OTUD7A: variants seen among roughly 807,000 people sequenced by gnomAD.
The protein encoded by OTUD7A is OTU domain-containing protein 7A.
Under a neutral mutation model 65.7 loss-of-function variants are expected in OTUD7A, and 12 were observed. The ratio of observed to expected loss-of-function variants is 0.18; its 90% CI spans 0.12 to 0.30. OTUD7A has a LOEUF of 0.30. Ranked by LOEUF, OTUD7A falls within the 10% of genes least tolerant of loss-of-function variation. The pLI is 1.00. For missense variants in OTUD7A, 1,148 were observed against 1,304.8 expected, an observed-to-expected ratio of 0.88 and a Z score of 1.85; for synonymous variants, 641 against 586.3, an observed-to-expected ratio of 1.09 and a Z score of -1.35.
chr15:31,736,559 C>T (rs1029826841), intron 1 of OTUD7A, among the ~76,000 whole-genome samples: 2 of 152,030 alleles, frequency 1.3e-5, no homozygotes, highest in Admixed American at 1.3e-4. Context: ...GGAGTGTACG[C>T]CTCACACTGA....
At chr15:31,680,962 T>A (rs893953449) in intron 1 of OTUD7A, among the ~76,000 whole-genome samples, 3 of 149,914 alleles carry the variant, frequency 2.0e-5, no homozygotes, top group Non-Finnish European at 2.9e-5. Flanking sequence ...AGATACCATA[T>A]CTTTCTTAGA....
rs773917546 is a variant in OTUD7A at position 31,487,465 on chromosome 15, C to A, written c.1273G>T (p.Ala425Ser). ...WEWGKDDNDN[A>S]RLAHLILSLE... ...GTAGGATCTTACTGGGCCAGCCGGG[C>A]GTTATCGTTGTCGTCTTTCCCCCAC... Residue 425 changes from alanine (A) to serine (S), a missense_variant, in exon 11 of 13, where the codon GCC becomes TCC. Coordinates refer to ENST00000307050, the MANE Select transcript of OTUD7A (RefSeq NM_001382637.1). This position sits in a 1 kb window ranked among gnomAD's most constrained non-coding sequence, Gnocchi z 6.0. 6.2e-7 allele frequency: 1 copy of A among 1,613,904 alleles called. No homozygotes were observed. The highest frequency in any genetic ancestry group is 8.5e-7 in the Non-Finnish European group (1 of 1,179,954).
chr15:31,547,239 A>G (rs1029389454), intron 5 of OTUD7A, among the ~76,000 whole-genome samples: 5 of 148,782 alleles, frequency 3.4e-5, no homozygotes, highest in African/African-American at 1.2e-4. Context: ...ATAAAATGCA[A>G]AAGAGTATGT....
At chr15:31,523,270 G>A (rs1408047952) in intron 8 of OTUD7A, among the ~76,000 whole-genome samples, 1 of 152,218 alleles carries the variant, frequency 6.6e-6, no homozygotes, top group Non-Finnish European at 1.5e-5. Context: ...TGTCCCCTGT[G>A]GGGCCGGCAC....
chr15:31,819,087 A>G (rs1348063008), intron 1 of OTUD7A, among the ~76,000 whole-genome samples: 1 of 152,254 alleles, frequency 6.6e-6, no homozygotes, highest in African/African-American at 2.4e-5. Context: ...GAGATTTATC[A>G]GGCTGGAAGA....
In OTUD7A at chr15:31,628,116, G is replaced by T. The variant is rs1022713181; in HGVS notation, c.151+26980C>A. Among the ~76,000 whole-genome samples the T allele has an allele frequency of 1.0e-3, 157 of 152,184 alleles. 4 individuals carry two copies. Among genetic ancestry groups the T allele is most frequent in the African/African-American group, 3.6e-3 (151 of 41,522 alleles). Reference sequence around the variant, plus strand: ...GCTTAATTAGATCCCATTTGTCAATGTTGGCTTTTGTTGCCATTGCTTTTG... The same window carrying T: ...GCTTAATTAGATCCCATTTGTCAATTTTGGCTTTTGTTGCCATTGCTTTTG... On this transcript the variant is annotated intron_variant, in intron 3 of 12. Transcript: ENST00000307050.
chr15:31,703,042 A>G (rs1893249634), intron 1 of OTUD7A, among the ~76,000 whole-genome samples: 1 of 151,350 alleles, frequency 6.6e-6, no homozygotes, highest in African/African-American at 2.4e-5. Flanking sequence ...AACAAGAAAA[A>G]AAGAAAGAAA....
At chr15:31,817,326 A>G (rs1896576731) in intron 1 of OTUD7A, among the ~76,000 whole-genome samples, 1 of 142,418 alleles carries the variant, frequency 7.0e-6, no homozygotes, top group Non-Finnish European at 1.5e-5. Flanking sequence ...GAAAGTCTAG[A>G]GAAGCATCCT....
rs115540781 is a variant in OTUD7A at position 31,596,385 on chromosome 15, C to T, written c.152-26188G>A. On this transcript the variant is annotated intron_variant, in intron 3 of 12. Transcript: ENST00000307050. The stretch of plus-strand genomic sequence containing the variant: ...GCTGCAGTGAATTCACCTATTCACT[C>T]GCTGAGGGATATGTGCGTTACTTCT... 3.4e-3 allele frequency among the ~76,000 whole-genome samples: 513 copies of T among 152,300 alleles called. 3 individuals carry two copies. The highest frequency in any genetic ancestry group is 0.012 in the African/African-American group (495 of 41,556).
intron 3 of OTUD7A, among the ~76,000 whole-genome samples, chr15:31,597,010 T>C (rs1200140691): frequency 1.3e-5 from 2 of 152,170 alleles, no homozygotes; most frequent in Non-Finnish European, 2.9e-5. Context: ...CTGAAACCTC[T>C]GCTTCCCGGG....
chr15:31,829,474 G>A (rs1352007601), intron 1 of OTUD7A, among the ~76,000 whole-genome samples: 1 of 152,244 alleles, frequency 6.6e-6, no homozygotes, highest in African/African-American at 2.4e-5. Flanking sequence ...GCTCCAGGAA[G>A]TGGAGACCAT....
intron 1 of OTUD7A, among the ~76,000 whole-genome samples, chr15:31,718,639 T>C (rs1223498931): frequency 2.7e-5 from 4 of 145,656 alleles, no homozygotes; most frequent in Admixed American, 1.4e-4. Context: ...CTGCAGCTCT[T>C]CTAATGGCAC....
intron 1 of OTUD7A, among the ~76,000 whole-genome samples, chr15:31,746,043 A>T (rs113908122): frequency 6.6e-6 from 1 of 152,234 alleles, no homozygotes; most frequent in African/African-American, 2.4e-5. Context: ...TCAAGTGTTG[A>T]CAAGGATGGG....
chr15:31,500,056 T>TGCATG (rs1292269029), intron 10 of OTUD7A, among the ~76,000 whole-genome samples: 1 of 152,212 alleles, frequency 6.6e-6, no homozygotes, highest in Non-Finnish European at 1.5e-5. Context: ...TGCTCGGAAC[T>TGCATG]GGGAGACGCT....
At chr15:31,503,888 C>G (rs1324501220) in intron 8 of OTUD7A, 70 bp from the exon 9 acceptor site, 7 of 1,577,608 alleles carry the variant, frequency 4.4e-6, no homozygotes, top group Non-Finnish European at 6.1e-6. Context: ...GTGGGGACTG[C>G]TTCATGCAGG....
At chr15:31,567,741 CG>C (rs1456130540) in intron 4 of OTUD7A, among the ~76,000 whole-genome samples, 1 of 152,224 alleles carries the variant, frequency 6.6e-6, no homozygotes, top group African/African-American at 2.4e-5. Context: ...CCCAGGGCCC[CG>C]CTACCTTGTG....
At chr15:31,709,814 A>T (rs189497080) in intron 1 of OTUD7A, among the ~76,000 whole-genome samples, 1 of 151,966 alleles carries the variant, frequency 6.6e-6, no homozygotes, top group South Asian at 2.1e-4. Context: ...ATATATGTGT[A>T]TATATATATA....
At chr15:31,609,019 T>C (rs1890318435) in intron 3 of OTUD7A, among the ~76,000 whole-genome samples, 1 of 152,156 alleles carries the variant, frequency 6.6e-6, no homozygotes, top group South Asian at 2.1e-4. Context: ...GTTTCTGACC[T>C]TACCTGGAGC....
chr15:31,859,716 C>G (rs960635530), intron 1 of OTUD7A, among the ~76,000 whole-genome samples: 1 of 152,156 alleles, frequency 6.6e-6, no homozygotes, highest in African/African-American at 2.4e-5. Context: ...ATAAAAGTCC[C>G]AATGGGTTCC....
Sources: allele counts gnomAD v4.1 joint callset (sites outside exome capture counted in the v4.1 genomes callset), GRCh38; gene constraint gnomAD v4.1.1; non-coding constraint Gnocchi (gnomAD v3.1); transcripts MANE v1.5; gene names NCBI Gene and HGNC (gene_info 2026-07-23, HGNC 2026-07-21).